DEPTOR: variants seen among roughly 807,000 people sequenced by gnomAD.
The protein encoded by DEPTOR is DEP domain-containing mTOR-interacting protein.
In DEPTOR, 41 loss-of-function variants were observed where a neutral mutation model predicts 41.6. That is an observed-to-expected ratio of 0.98 (90% confidence interval 0.77 to 1.28). The LOEUF (loss-of-function observed/expected upper bound fraction) is 1.28. DEPTOR is among the 50% of genes most tolerant of loss of function. DEPTOR has a pLI of 0.00. For missense variants in DEPTOR, 514 were observed against 527.9 expected, an observed-to-expected ratio of 0.97 and a Z score of 0.26; for synonymous variants, 195 against 192.3, an observed-to-expected ratio of 1.01 and a Z score of -0.12.
chr8:119,912,457 G>C (rs1186454327), intron 1 of DEPTOR, among the ~76,000 whole-genome samples: 1 of 152,192 alleles, frequency 6.6e-6, no homozygotes, highest in Non-Finnish European at 1.5e-5. Context: ...AATGTGTTTC[G>C]GTTGAGAAAT....
chr8:119,924,475 G>A (rs987765711), intron 1 of DEPTOR, among the ~76,000 whole-genome samples: 1 of 151,966 alleles, frequency 6.6e-6, no homozygotes, highest in Non-Finnish European at 1.5e-5. Flanking sequence ...TAGCAACAAG[G>A]CTTCTGGGTG....
chr8:120,007,446 G>T (rs1018267994), intron 7 of DEPTOR, among the ~76,000 whole-genome samples: 4 of 151,970 alleles, frequency 2.6e-5, no homozygotes, highest in African/African-American at 7.3e-5. Context: ...GCTGTGAGCA[G>T]CTCCGGACCA....
intron 1 of DEPTOR, among the ~76,000 whole-genome samples, chr8:119,920,745 T>A (rs1175477529): frequency 6.6e-6 from 1 of 152,076 alleles, no homozygotes; most frequent in African/African-American, 2.4e-5. Context: ...GGGAGTCGAG[T>A]CCCACTCAGC....
At chr8:119,876,064 T>C (rs946383485) in intron 1 of DEPTOR, among the ~76,000 whole-genome samples, 1 of 152,244 alleles carries the variant, frequency 6.6e-6, no homozygotes, top group Non-Finnish European at 1.5e-5. Context: ...TATTTTTCAT[T>C]TATTTTACAA....
intron 4 of DEPTOR, among the ~76,000 whole-genome samples, chr8:119,999,559 G>A (rs1812318234): frequency 1.3e-5 from 2 of 152,146 alleles, no homozygotes; most frequent in South Asian, 4.1e-4. Context: ...AGGAGTTCGA[G>A]GCTACAGTGA....
chr8:119,924,389 A>C (rs1354174581), intron 1 of DEPTOR, among the ~76,000 whole-genome samples: 1 of 152,182 alleles, frequency 6.6e-6, no homozygotes, highest in Non-Finnish European at 1.5e-5. Flanking sequence ...CAGAAGACAG[A>C]AAACTCAGTT....
chr8:119,882,558 A>G (rs1426208326), intron 1 of DEPTOR, among the ~76,000 whole-genome samples: 1 of 151,796 alleles, frequency 6.6e-6, no homozygotes, highest in Non-Finnish European at 1.5e-5. Flanking sequence ...TCAGGCATGT[A>G]CCACCACACC....
At chr8:120,030,497 G>GTTTGTTTTT (rs1207108457) in intron 8 of DEPTOR, among the ~76,000 whole-genome samples, 10 of 46,216 alleles carry the variant, frequency 2.2e-4, no homozygotes, top group East Asian at 6.7e-4. Flanking sequence ...AGGTTCATCA[G>GTTTGTTTTT]TTTTTTTTTT....
At chr8:119,893,306 T>A (rs1357574663) in intron 1 of DEPTOR, among the ~76,000 whole-genome samples, 3 of 152,250 alleles carry the variant, frequency 2.0e-5, no homozygotes, top group Non-Finnish European at 4.4e-5. Context: ...AGATAATTTC[T>A]TTCCCTAAAG....
chr8:119,885,830 C>T (rs1375517717), intron 1 of DEPTOR, among the ~76,000 whole-genome samples: 3 of 152,034 alleles, frequency 2.0e-5, no homozygotes, highest in African/African-American at 4.8e-5. Context: ...ATCCATCTAG[C>T]TCTCCCTCTA....
At chr8:120,047,521 C>A (rs1326429387) in intron 8 of DEPTOR, among the ~76,000 whole-genome samples, 1 of 151,878 alleles carries the variant, frequency 6.6e-6, no homozygotes, top group Non-Finnish European at 1.5e-5. Context: ...GCATCCGCCA[C>A]CACGCCCAGC....
At chr8:120,035,079 AG>A (rs1259156395) in intron 8 of DEPTOR, among the ~76,000 whole-genome samples, 1 of 152,048 alleles carries the variant, frequency 6.6e-6, no homozygotes, top group Non-Finnish European at 1.5e-5. Context: ...GCACTTTGGG[AG>A]GCCGAGGCAG....
intron 4 of DEPTOR, among the ~76,000 whole-genome samples, chr8:119,978,368 G>T (rs1158801455): frequency 6.6e-6 from 1 of 152,106 alleles, no homozygotes; most frequent in Non-Finnish European, 1.5e-5. Context: ...GAGCATATCA[G>T]GTTTCTCAGT....
intron 1 of DEPTOR, among the ~76,000 whole-genome samples, chr8:119,921,948 A>T (rs868342444): frequency 6.6e-5 from 10 of 151,860 alleles, no homozygotes; most frequent in African/African-American, 2.4e-4. Context: ...GTATTTAAAC[A>T]TAAATAGGCT....
intron 8 of DEPTOR, among the ~76,000 whole-genome samples, chr8:120,028,547 C>G (rs543765275): frequency 6.7e-6 from 1 of 149,508 alleles, no homozygotes; most frequent in African/African-American, 2.5e-5. Context: ...CAACCTCCCC[C>G]TTCCAGTGAA....
At chr8:119,966,569 C>T (rs1828565068) in intron 4 of DEPTOR, among the ~76,000 whole-genome samples, 1 of 152,130 alleles carries the variant, frequency 6.6e-6, no homozygotes, top group African/African-American at 2.4e-5. Flanking sequence ...ACTGCAACCT[C>T]CGCCTCCCAG....
At position 119,998,203 on chromosome 8, in the gene DEPTOR, C is replaced by T. The variant is rs1216563282; in HGVS notation, c.605-3322C>T. On this transcript the variant is annotated intron_variant, in intron 4 of 8. Transcript: ENST00000286234. ...TCCCAGGCTCAAGCGATCCTCCCAG[C>T]TCAGCCTCCTGAGTAGTTGGGACTA... is the stretch of plus-strand genomic sequence containing the variant. Among the ~76,000 whole-genome samples the T allele has an allele frequency of 2.0e-5, 3 of 152,220 alleles. No homozygotes were observed. In the East Asian group the frequency reaches 5.8e-4, roughly 29 times the overall value.
intron 1 of DEPTOR, among the ~76,000 whole-genome samples, chr8:119,911,082 G>A (rs1490368439): frequency 6.6e-6 from 1 of 152,128 alleles, no homozygotes; most frequent in African/African-American, 2.4e-5. Context: ...CAGGACTTTA[G>A]TGAACAGGAG....
Position 120,006,798 on chromosome 8 carries a change from C to G in DEPTOR, c.926-7C>G. 1 of 1,613,724 alleles carries G rather than the reference C, an allele frequency of 6.2e-7. No homozygotes were observed. The highest frequency in any genetic ancestry group is 8.5e-7 in the Non-Finnish European group (1 of 1,179,754). Reference sequence around the variant, plus strand: ...GCTTATGTCTTGACATTGTGTTTGTCTGCCAGTGCTGAAGAGACCTGTCAC... The same window carrying G: ...GCTTATGTCTTGACATTGTGTTTGTGTGCCAGTGCTGAAGAGACCTGTCAC... On this transcript the variant is annotated splice_polypyrimidine_tract_variant and splice_region_variant and intron_variant, in intron 6 of 8. Transcript: ENST00000286234.
Sources: allele counts gnomAD v4.1 joint callset (sites outside exome capture counted in the v4.1 genomes callset), GRCh38; gene constraint gnomAD v4.1.1; transcripts MANE v1.5; gene names NCBI Gene and HGNC (gene_info 2026-07-23, HGNC 2026-07-21).